Variants in RBFOX1 observed in about 807,000 individuals in gnomAD.
RBFOX1 encodes the protein RNA binding fox-1 homolog 1, also known as RNA binding protein fox-1 homolog 1.
RBFOX1 carries 8 observed loss-of-function variants against 57.7 expected under a neutral mutation model. That is an observed-to-expected ratio of 0.14 (90% CI 0.08 to 0.25). RBFOX1 has a LOEUF of 0.25. Ranked by LOEUF, RBFOX1 falls within the 10% of genes least tolerant of loss-of-function variation. The pLI is 1.00. For missense variants in RBFOX1, 611 were observed against 548.5 expected, an observed-to-expected ratio of 1.11 and a Z score of -1.14; for synonymous variants, 326 against 222.4, an observed-to-expected ratio of 1.47 and a Z score of -4.15.
chr16:7,384,536 T>C (rs913746816), intron 4 of RBFOX1, among the ~76,000 whole-genome samples: 8 of 152,190 alleles, frequency 5.3e-5, no homozygotes, highest in Non-Finnish European at 1.2e-4. Context: ...CTACAGAATC[T>C]TGGGCAGTAT....
chr16:6,809,030 G>A (rs575734310), intron 3 of RBFOX1, among the ~76,000 whole-genome samples: 2 of 152,282 alleles, frequency 1.3e-5, no homozygotes, highest in African/African-American at 4.8e-5. Flanking sequence ...GTATGCACCT[G>A]TAACAATAGT....
chr16:5,631,163 A>G (rs1273991197), intron 3 of RBFOX1, among the ~76,000 whole-genome samples: 3 of 152,178 alleles, frequency 2.0e-5, no homozygotes, highest in African/African-American at 7.2e-5. Flanking sequence ...GTATGTCGGA[A>G]TTTGCTCTGA....
rs1017836608 is a variant in RBFOX1, at chr16:5,800,080, C to T, written c.319-67223C>T. On this transcript the variant is annotated intron_variant, in intron 3 of 19. Coordinates refer to the RBFOX1 transcript ENST00000641259. ...GTATAAGTATATACATATACATGTC[C>T]TACTTATAGATGGAGGGGAGAGAAA... 2.6e-5 allele frequency among the ~76,000 whole-genome samples: 4 copies of T among 151,546 alleles called. No individual in the cohort carries two copies. In the South Asian group the frequency reaches 8.4e-4, roughly 32 times the overall value.
intron 1 of RBFOX1, among the ~76,000 whole-genome samples, chr16:6,036,907 G>C (rs993697554): frequency 4.6e-5 from 7 of 152,148 alleles, no homozygotes; most frequent in East Asian, 1.9e-4. Flanking sequence ...ATAACTTTCA[G>C]ACTCTTTTAC....
chr16:5,522,327 C>T (rs149336273), intron 2 of RBFOX1, among the ~76,000 whole-genome samples: 15 of 152,280 alleles, frequency 9.9e-5, no homozygotes, highest in African/African-American at 2.2e-4. Flanking sequence ...TTGTGATGTG[C>T]GTAAAGCACG....
At chr16:7,301,803 A>G (rs565455708) in intron 4 of RBFOX1, among the ~76,000 whole-genome samples, 3 of 152,310 alleles carry the variant, frequency 2.0e-5, no homozygotes, top group South Asian at 4.1e-4. Context: ...GCTTGACGCA[A>G]CAGTAAAGAA....
chr16:7,402,504 T>G (rs2098261874), intron 4 of RBFOX1, among the ~76,000 whole-genome samples: 1 of 152,214 alleles, frequency 6.6e-6, no homozygotes, highest in South Asian at 2.1e-4. Context: ...AAATAAAGAC[T>G]CCTTGCTGCT....
At chr16:6,018,850 G>C (rs1470986555), upstream of RBFOX1, among the ~76,000 whole-genome samples, 1 of 152,004 alleles carries the variant, frequency 6.6e-6, no homozygotes, top group Admixed American at 6.5e-5. Context: ...TGAAAGTCCT[G>C]GGCTCATTGC....
Position 5,319,993 on chromosome 16 carries a change from T to C in RBFOX1, c.219+79888T>C, listed in dbSNP as rs184433629. Among the ~76,000 whole-genome samples, 567 of 152,360 alleles carry C rather than the reference T, an allele frequency of 3.7e-3. 3 individuals carry two copies. The highest frequency in any genetic ancestry group is 5.8e-3 in the Non-Finnish European group (396 of 68,032). On this transcript the variant is annotated intron_variant, in intron 1 of 2. Transcript: ENST00000585867. ...TTTTGGTGGCCCGGGTGCAGTCACA[T>C]GGCCTGACCTTACTACAAGGGAGGC...
intron 2 of RBFOX1, among the ~76,000 whole-genome samples, chr16:6,487,144 C>T (rs1246543602): frequency 7.1e-6 from 1 of 140,116 alleles, no homozygotes; most frequent in Non-Finnish European, 1.5e-5. Context: ...TGTGGGGTTT[C>T]TGTGTGTGTG....
intron 4 of RBFOX1, among the ~76,000 whole-genome samples, chr16:5,956,678 A>ATATATTTTTTT (rs368096576): frequency 8.6e-6 from 1 of 116,506 alleles, no homozygotes; most frequent in African/African-American, 3.5e-5. Flanking sequence ...ATATATATAT[A>ATATATTTTTTT]TTTTTTTTGA....
chr16:6,689,126 G>C (rs765746457), intron 3 of RBFOX1, among the ~76,000 whole-genome samples: 2 of 152,164 alleles, frequency 1.3e-5, no homozygotes, highest in African/African-American at 4.8e-5. Flanking sequence ...ATAGCAGAAT[G>C]ATTTATAATC....
In RBFOX1 at chr16:7,371,778, T is replaced by TATGATAC. The variant is rs1262576713; in HGVS notation, c.28-146366_28-146360dup. Among the ~76,000 whole-genome samples, 9 of 152,270 alleles carry TATGATAC rather than the reference T, an allele frequency of 5.9e-5. No homozygotes were observed. In the East Asian group the frequency reaches 1.7e-3, roughly 29 times the overall value. On this transcript the variant is annotated intron_variant, in intron 4 of 15. Transcript: ENST00000550418. The stretch of plus-strand genomic sequence containing the variant: ...AAAAAGAAAAAAAGATATGTAGATA[T>TATGATAC]ATGATACATACATGTGCATACAGAT...
chr16:6,903,583 C>T (rs1596675991), intron 3 of RBFOX1, among the ~76,000 whole-genome samples: 2 of 152,220 alleles, frequency 1.3e-5, no homozygotes, highest in South Asian at 2.1e-4. Context: ...AATCACTTAT[C>T]CCAGAAACTG....
chr16:5,500,198 T>TTCCATTCCAG (rs2151695034), intron 2 of RBFOX1, among the ~76,000 whole-genome samples: 1 of 122,938 alleles, frequency 8.1e-6, no homozygotes, highest in African/African-American at 3.9e-5. Context: ...CCTCCCTTCA[T>TTCCATTCCAG]TCCATTCCAT....
chr16:5,845,446 T>G (rs2056731578), intron 3 of RBFOX1, among the ~76,000 whole-genome samples: 1 of 152,178 alleles, frequency 6.6e-6, no homozygotes, highest in Non-Finnish European at 1.5e-5. Context: ...CAGATCTCAG[T>G]TTATTTCTAC....
chr16:5,308,199 G>T (rs746048382), intron 1 of RBFOX1, among the ~76,000 whole-genome samples: 3 of 151,996 alleles, frequency 2.0e-5, no homozygotes, highest in Admixed American at 6.6e-5. Flanking sequence ...AAATTAGCCA[G>T]GCATGGTGGC....
At chr16:7,158,074 C>T (rs564341770) in intron 4 of RBFOX1, among the ~76,000 whole-genome samples, 13 of 152,138 alleles carry the variant, frequency 8.5e-5, no homozygotes, top group African/African-American at 2.6e-4. Context: ...GTTGGCTGGG[C>T]GCGGTAGCTC....
chr16:5,927,540 G>T (rs1011530502), intron 4 of RBFOX1, among the ~76,000 whole-genome samples: 3 of 152,136 alleles, frequency 2.0e-5, no homozygotes, highest in Admixed American at 1.3e-4. Flanking sequence ...CAATATGGAG[G>T]TTCCCCCCAA....
Sources: gnomAD v4.1 joint callset for allele counts (sites outside exome capture counted in the v4.1 genomes callset) on GRCh38, gnomAD v4.1.1 for gene constraint, MANE v1.5 for transcripts, NCBI Gene and HGNC (gene_info 2026-07-23, HGNC 2026-07-21) for gene names.